The following BRIP1 variants were observed in gnomAD, a reference collection of about 807,000 sequenced individuals.
The protein encoded by BRIP1 is BRCA1 interacting DNA helicase 1, also known as Fanconi anemia group J protein.
BRIP1 carries 88 observed loss-of-function variants against 119.7 expected under a neutral mutation model. That is an observed-to-expected ratio of 0.74 (90% CI 0.62 to 0.88). The LOEUF is 0.88. Among genes scored for constraint, BRIP1 ranks in the 40% least tolerant of loss-of-function variants. The pLI is 0.00. For missense variants in BRIP1, 1,259 were observed against 1,455.4 expected (o/e 0.87, Z 2.20); for synonymous variants, 443 against 496.5 (o/e 0.89, Z 1.43).
Position 61,809,704 on chromosome 17 carries a change from GTTAAT to G in BRIP1, c.628-952_628-948del, listed in dbSNP as rs2078132660. Among the ~76,000 whole-genome samples the G allele has an allele frequency of 6.6e-6, 1 of 152,078 alleles. No individual in the cohort carries two copies. Among genetic ancestry groups the G allele is most frequent in the Non-Finnish European group, 1.5e-5 (1 of 68,004 alleles). On this transcript the variant is annotated intron_variant, in intron 6 of 19. Coordinates refer to ENST00000259008, the MANE Select transcript of BRIP1 (RefSeq NM_032043.3). This position sits in a 1 kb window ranked among gnomAD's most constrained non-coding sequence, Gnocchi z 5.2. The stretch of plus-strand genomic sequence containing the variant: ...CATTTTAGAGAAATAGTGTAAAATG[GTTAAT>G]TTATAGAAGTGGTCATTGATGGGGA...
chr17:61,838,441 G>A (rs2078606885), intron 6 of BRIP1, among the ~76,000 whole-genome samples: 1 of 151,984 alleles, frequency 6.6e-6, no homozygotes, highest in Non-Finnish European at 1.5e-5. Context: ...AGCTACTTGG[G>A]AGGCTGAGGC....
chr17:61,861,639 G>T lies in BRIP1; in HGVS notation c.-30-70C>A, dbSNP rs977955430. On this transcript the variant is annotated intron_variant, in intron 1 of 19. Transcript: ENST00000259008. This position sits in a 1 kb window ranked among gnomAD's most constrained non-coding sequence, Gnocchi z 4.5. ...AAGAAAACCAGAGAACCAAAACTAA[G>T]GGAGAAATCTGGAAACAGAAACTGG... is the stretch of plus-strand genomic sequence containing the variant. 1.1e-5 allele frequency: 9 copies of T among 833,030 alleles called. No individual in the cohort carries two copies. Among genetic ancestry groups the T allele is most frequent in the Non-Finnish European group, 1.8e-5 (9 of 490,150 alleles). The allele number at this position is 833,030 out of a possible 1,614,324, so 51.6% of individuals were successfully genotyped here.
At position 61,702,363 on chromosome 17, in the gene BRIP1, G is replaced by A. The variant is rs76516546; in HGVS notation, c.2493-8851C>T. On this transcript the variant is annotated intron_variant, in intron 17 of 19. Transcript: ENST00000259008. ...TGATTTGTTGTGACAAATTAGGACCGATTATTTTGTCACCCAGGTAAAAAG... is the reference window on the plus strand; with the variant it reads ...TGATTTGTTGTGACAAATTAGGACCAATTATTTTGTCACCCAGGTAAAAAG... Among the ~76,000 whole-genome samples the A allele has an allele frequency of 6.9e-3, 1,056 of 152,234 alleles. 10 individuals carry two copies. Among genetic ancestry groups the A allele is most frequent in the African/African-American group, 0.025 (1,018 of 41,536 alleles).
rs528474605 is a variant in BRIP1, at chr17:61,730,070, A to T, written c.2379+12943T>A. ...ATGCAGTAGGAAAATACACTGAGTT[A>T]TTTGTATAGCTTACTATAGTCACTG... is the stretch of plus-strand genomic sequence containing the variant. On this transcript the variant is annotated intron_variant, in intron 16 of 19. Transcript: ENST00000259008. This position sits in a 1 kb window ranked among gnomAD's most constrained non-coding sequence, Gnocchi z 4.3. 6.6e-6 allele frequency among the ~76,000 whole-genome samples: 1 copy of T among 152,352 alleles called. No homozygotes were observed. The highest frequency in any genetic ancestry group is 2.1e-4 in the South Asian group (1 of 4,826).
At position 61,816,429 on chromosome 17, in the gene BRIP1, T is replaced by A. The variant is rs1253443711; in HGVS notation, c.628-7672A>T. Among the ~76,000 whole-genome samples, 1 of 152,212 alleles carries A rather than the reference T, an allele frequency of 6.6e-6. No homozygotes were observed. The highest frequency in any genetic ancestry group is 1.5e-5 in the Non-Finnish European group (1 of 68,036). On this transcript the variant is annotated intron_variant, in intron 6 of 19. Transcript: ENST00000259008. This position sits in a 1 kb window ranked among gnomAD's most constrained non-coding sequence, Gnocchi z 5.0. ...CAGTGGGCTAGCACATTAAGACAGATCCTTTTCACGGTTGTTTTTTGATAC... is the reference window on the plus strand; with the variant it reads ...CAGTGGGCTAGCACATTAAGACAGAACCTTTTCACGGTTGTTTTTTGATAC...
At chr17:61,765,406 TATATATATATATA>T (rs1169717341) in intron 14 of BRIP1, among the ~76,000 whole-genome samples, 25 of 16,748 alleles carry the variant, frequency 1.5e-3, no homozygotes, top group African/African-American at 2.1e-3. Flanking sequence ...TATATATATA[TATATATATATATA>T]TATATTTTTT....
rs188903011 is a variant in BRIP1 at position 61,702,319 on chromosome 17, G to A, written c.2493-8807C>T. Among the ~76,000 whole-genome samples the A allele has an allele frequency of 3.9e-5, 6 of 152,208 alleles. No homozygotes were observed. The East Asian group carries it at 1.2e-3, about 29-fold the overall frequency. ...AATACATGTGCAGGTTTGTTATAGA[G>A]GCAGATTGCATGTCATGGTGATTTG... On this transcript the variant is annotated intron_variant, in intron 17 of 19. Transcript: ENST00000259008.
chr17:61,716,831 G>GAAACA (rs371307141), intron 16 of BRIP1, among the ~76,000 whole-genome samples: 1 of 150,208 alleles, frequency 6.7e-6, no homozygotes, highest in Non-Finnish European at 1.5e-5. Flanking sequence ...TCCACTACTG[G>GAAACA]ATTATTAGCT....
chr17:61,775,382 T>A lies in BRIP1; in HGVS notation c.2097+1019A>T, dbSNP rs979098709. ...CCCTAGCTATCAAAGTACATATATATAAAAAGACAGTAGAAGAGTCAAAAG... is the reference window on the plus strand; with the variant it reads ...CCCTAGCTATCAAAGTACATATATAAAAAAAGACAGTAGAAGAGTCAAAAG... On this transcript the variant is annotated intron_variant, in intron 14 of 19. Transcript: ENST00000259008. This position sits in a 1 kb window ranked among gnomAD's most constrained non-coding sequence, Gnocchi z 4.4. Among the ~76,000 whole-genome samples, 30 of 152,122 alleles carry A rather than the reference T, an allele frequency of 2.0e-4. No individual in the cohort carries two copies. The highest frequency in any genetic ancestry group is 7.2e-4 in the African/African-American group (30 of 41,436).
chr17:61,835,593 C>T (rs1000702027), intron 6 of BRIP1, among the ~76,000 whole-genome samples: 26 of 151,828 alleles, frequency 1.7e-4, no homozygotes, highest in African/African-American at 6.3e-4. Context: ...TTATTTACTT[C>T]AGATAGTGGG....
Position 61,843,593 on chromosome 17 carries a change from A to G in BRIP1, c.627+3508T>C, listed in dbSNP as rs2078687925. ...CTCTGAGGTCACACGAGATCTGGTT[A>G]TTTAAAACAGTGTGGAACCTCCTCT... is the stretch of plus-strand genomic sequence containing the variant. On this transcript the variant is annotated intron_variant, in intron 6 of 19. Coordinates refer to ENST00000259008, the MANE Select transcript of BRIP1 (RefSeq NM_032043.3). The surrounding 1 kb of genome is among the most constrained non-coding windows in gnomAD (Gnocchi z 5.7). Among the ~76,000 whole-genome samples, 2 of 152,004 alleles carry G rather than the reference A, an allele frequency of 1.3e-5. No individual in the cohort carries two copies. The highest frequency in any genetic ancestry group is 4.8e-5 in the African/African-American group (2 of 41,364).
rs886053212 is a variant in BRIP1 at position 61,682,957 on chromosome 17, C to G, written c.*339G>C. 1.5e-5 allele frequency: 4 copies of G among 265,284 alleles called. No homozygotes were observed. The highest frequency in any genetic ancestry group is 6.6e-5 in the East Asian group (1 of 15,242). The allele number at this position is 265,284 out of a possible 1,614,324, so 16.4% of individuals were successfully genotyped here. The stretch of plus-strand genomic sequence containing the variant: ...GACCAGCCTGGCCAACATGGTGAAA[C>G]CCCATCTCTACTAAAAATACAAAAA... On this transcript the variant is annotated 3_prime_UTR_variant, in exon 20 of 20. Transcript: ENST00000259008. The surrounding 1 kb of genome is among the most constrained non-coding windows in gnomAD (Gnocchi z 4.9).
At chr17:61,773,910 G>A (rs2077495891) in intron 14 of BRIP1, among the ~76,000 whole-genome samples, 1 of 152,124 alleles carries the variant, frequency 6.6e-6, no homozygotes. Context: ...CAGTTAGAAT[G>A]GTGATCATTA....
At chr17:61,801,524 G>T in intron 7 of BRIP1, 50 bp from the exon 8 acceptor site, 1 of 1,437,024 alleles carries the variant, frequency 7.0e-7, no homozygotes, top group Non-Finnish European at 9.8e-7. Context: ...TAGCATAGAA[G>T]GAATAAAATA....
rs567684090 is a variant in BRIP1 at position 61,705,105 on chromosome 17, C to T, written c.2492+10846G>A. ...TTCCCTCCTTCTCTGCCTCCACTTA[C>T]ATTCATTCCCTAGTGTCTATGTTCC... is the stretch of plus-strand genomic sequence containing the variant. On this transcript the variant is annotated intron_variant, in intron 17 of 19. Transcript: ENST00000259008. The surrounding 1 kb of genome is among the most constrained non-coding windows in gnomAD (Gnocchi z 5.0). Among the ~76,000 whole-genome samples, 26 of 152,238 alleles carry T rather than the reference C, an allele frequency of 1.7e-4. No individual in the cohort carries two copies. The highest frequency in any genetic ancestry group is 6.0e-4 in the African/African-American group (25 of 41,552).
chr17:61,744,360 A>C lies in BRIP1; in HGVS notation c.2257+72T>G. The C allele has an allele frequency of 1.3e-6, 2 of 1,493,278 alleles. No homozygotes were observed. Among genetic ancestry groups the C allele is most frequent in the Non-Finnish European group, 1.8e-6 (2 of 1,081,982 alleles). 92.5% of individuals were successfully genotyped at this position (1,493,278 alleles called of 1,614,324 possible). A position where few individuals can be genotyped will look rare whatever the true frequency, so the allele number is the denominator to read the frequency against. On this transcript the variant is annotated intron_variant, in intron 15 of 19. Coordinates refer to ENST00000259008, the MANE Select transcript of BRIP1 (RefSeq NM_032043.3). This position sits in a 1 kb window ranked among gnomAD's most constrained non-coding sequence, Gnocchi z 5.0. ...AAGTGTAATTCATCTAAAAATATAA[A>C]ATTATAATTGTACCTTCTTACTTTG...
In BRIP1 at chr17:61,681,979, C is replaced by A. The variant is rs368664791; in HGVS notation, c.*1317G>T. ...AAAAGTCCCAATGCCCAGTGAATAACAGATGTTTCTTAAAAAGAGATCAAT... is the reference window on the plus strand; with the variant it reads ...AAAAGTCCCAATGCCCAGTGAATAAAAGATGTTTCTTAAAAAGAGATCAAT... On this transcript the variant is annotated 3_prime_UTR_variant, in exon 20 of 20. Transcript: ENST00000259008. The surrounding 1 kb of genome is among the most constrained non-coding windows in gnomAD (Gnocchi z 5.1). 8.0e-5 allele frequency: 16 copies of A among 200,738 alleles called. No individual in the cohort carries two copies. The South Asian group carries it at 2.9e-3, about 36-fold the overall frequency. 12.4% of individuals were successfully genotyped at this position (200,738 alleles called of 1,614,324 possible).
rs2078438881 is a variant in BRIP1, at chr17:61,828,248, A to C, written c.627+18853T>G. 6.6e-6 allele frequency among the ~76,000 whole-genome samples: 1 copy of C among 152,228 alleles called. No homozygotes were observed. Among genetic ancestry groups the C allele is most frequent in the Non-Finnish European group, 1.5e-5 (1 of 68,038 alleles). On this transcript the variant is annotated intron_variant, in intron 6 of 19. Transcript: ENST00000259008. This position sits in a 1 kb window ranked among gnomAD's most constrained non-coding sequence, Gnocchi z 4.1. Reference sequence around the variant, plus strand: ...ATAAAAAGAAATAAAATTCTGACACATACTACATGGTGGATGACCTTGAAA... The same window carrying C: ...ATAAAAAGAAATAAAATTCTGACACCTACTACATGGTGGATGACCTTGAAA...
At chr17:61,719,596 G>GCGCC (rs1231802321) in intron 16 of BRIP1, among the ~76,000 whole-genome samples, 3 of 151,762 alleles carry the variant, frequency 2.0e-5, no homozygotes, top group Non-Finnish European at 2.9e-5. Flanking sequence ...GTGGTGGCAG[G>GCGCC]CGCCTGTAGT....
Sources: gnomAD v4.1 joint callset for allele counts (sites outside exome capture counted in the v4.1 genomes callset) on GRCh38, gnomAD v4.1.1 for gene constraint, Gnocchi (gnomAD v3.1) non-coding constraint, MANE v1.5 for transcripts, NCBI Gene and HGNC (gene_info 2026-07-23, HGNC 2026-07-21) for gene names.